MYL10: variants seen among roughly 807,000 people sequenced by gnomAD.
The protein encoded by MYL10 is myosin light chain 10.
In MYL10, 18 loss-of-function variants were observed where a neutral mutation model predicts 21.9. The ratio of observed to expected loss-of-function variants is 0.82; its 90% CI spans 0.57 to 1.22. MYL10 has a LOEUF of 1.22. MYL10 is among the 50% of genes most tolerant of loss of function. The probability of loss-of-function intolerance (pLI) is 0.00; values close to 1 mark genes in which losing one functional copy is unlikely to be tolerated. For missense variants in MYL10, 225 were observed against 230.4 expected, an observed-to-expected ratio of 0.98 and a Z score of 0.15; for synonymous variants, 88 against 82.8, an observed-to-expected ratio of 1.06 and a Z score of -0.34.
chr7:101,613,626 G>C (rs759369449), intron 7 of MYL10, 36 bp downstream of exon 7: 6 of 1,613,964 alleles, frequency 3.7e-6, no homozygotes, highest in Non-Finnish European at 5.1e-6. Context: ...GGCCAGAGCA[G>C]AGAATCCGCC....
intron 6 of MYL10, among the ~76,000 whole-genome samples, chr7:101,614,202 C>G (rs1796582856): frequency 1.3e-5 from 2 of 152,158 alleles, no homozygotes; most frequent in Admixed American, 1.3e-4. Flanking sequence ...GGGCCTGCCC[C>G]CTCAAGCTTG....
At chr7:101,619,739 A>G (rs1796654022) in intron 5 of MYL10, among the ~76,000 whole-genome samples, 1 of 151,986 alleles carries the variant, frequency 6.6e-6, no homozygotes, top group South Asian at 2.1e-4. Flanking sequence ...AATACAAAAA[A>G]ATTAGACGAG....
intron 5 of MYL10, among the ~76,000 whole-genome samples, chr7:101,620,318 C>T (rs1377318438): frequency 6.6e-6 from 1 of 152,020 alleles, no homozygotes; most frequent in Non-Finnish European, 1.5e-5. Flanking sequence ...GAGTGAGACT[C>T]CATCTCAAAA....
intron 6 of MYL10, 123 bp downstream of exon 6, chr7:101,616,097 G>T: frequency 1.4e-6 from 1 of 721,768 alleles, no homozygotes; most frequent in South Asian, 1.7e-5. Context: ...ATATCACTGG[G>T]CTGGGCAGCG....
intron 3 of MYL10, 88 bp from the exon 4 acceptor site, chr7:101,623,160 C>A: frequency 1.6e-6 from 2 of 1,267,620 alleles, no homozygotes; most frequent in Non-Finnish European, 2.2e-6. Context: ...GACTGCTGCC[C>A]AAGGAGCCTC....
chr7:101,625,067 C>G (rs1230575843), intron 1 of MYL10, among the ~76,000 whole-genome samples: 3 of 152,224 alleles, frequency 2.0e-5, no homozygotes, highest in Non-Finnish European at 2.9e-5. Flanking sequence ...TCTCTGATCT[C>G]TCCTATCCCC....
intron 6 of MYL10, among the ~76,000 whole-genome samples, 190 bp from the exon 7 acceptor site, chr7:101,613,900 G>A (rs1214408713): frequency 1.3e-5 from 2 of 152,074 alleles, no homozygotes; most frequent in African/African-American, 4.8e-5. Context: ...TCTCCTCCAT[G>A]AAGTGGGCTT....
intron 1 of MYL10, among the ~76,000 whole-genome samples, chr7:101,627,218 G>A (rs1368403892): frequency 6.6e-6 from 1 of 151,948 alleles, no homozygotes; most frequent in Non-Finnish European, 1.5e-5. Flanking sequence ...AACCTCACTC[G>A]AAGCCAGGAG....
chr7:101,615,613 A>C, intron 6 of MYL10, among the ~76,000 whole-genome samples: 1 of 145,692 alleles, frequency 6.9e-6, no homozygotes, highest in Non-Finnish European at 1.5e-5. Context: ...TAGCCTGGGC[A>C]ACCTGCAGTC....
At chr7:101,616,851 G>T (rs768511087) in intron 5 of MYL10, among the ~76,000 whole-genome samples, 2 of 152,244 alleles carry the variant, frequency 1.3e-5, no homozygotes, top group Non-Finnish European at 2.9e-5. Flanking sequence ...CAGAAGTGGG[G>T]CAGGTGGGCC....
At chr7:101,619,148 T>C (rs1796646453) in intron 5 of MYL10, among the ~76,000 whole-genome samples, 1 of 152,220 alleles carries the variant, frequency 6.6e-6, no homozygotes, top group Non-Finnish European at 1.5e-5. Context: ...CCTTCAGTTA[T>C]GTGCCTGTGG....
chr7:101,614,277 G>T (rs1796583745), intron 6 of MYL10, among the ~76,000 whole-genome samples: 1 of 152,200 alleles, frequency 6.6e-6, no homozygotes, highest in Non-Finnish European at 1.5e-5. Context: ...GCTGAGTGGG[G>T]CCTCGTCCAC....
chr7:101,615,800 T>G (rs1003435388), intron 6 of MYL10, among the ~76,000 whole-genome samples: 12 of 150,388 alleles, frequency 8.0e-5, no homozygotes, highest in Non-Finnish European at 1.5e-4. Context: ...GTTCGAGCGA[T>G]TCTCCTGCCT....
At chr7:101,614,104 C>T (rs553201001) in intron 6 of MYL10, among the ~76,000 whole-genome samples, 3 of 152,324 alleles carry the variant, frequency 2.0e-5, no homozygotes, top group Non-Finnish European at 2.9e-5. Flanking sequence ...TTCACTGACA[C>T]CTGCATAGTG....
chr7:101,625,096 A>G (rs1360551717), intron 1 of MYL10, among the ~76,000 whole-genome samples: 1 of 152,170 alleles, frequency 6.6e-6, no homozygotes, highest in Non-Finnish European at 1.5e-5. Flanking sequence ...CCTGGCTCAA[A>G]GTGGGGATCA....
chr7:101,621,366 G>A (rs150748774), intron 5 of MYL10, among the ~76,000 whole-genome samples: 277 of 152,204 alleles, frequency 1.8e-3, no homozygotes, highest in African/African-American at 6.2e-3. Context: ...TCCTCTGGGG[G>A]CTCCAGTGAC....
At chr7:101,626,794 G>A (rs1031365703) in intron 1 of MYL10, among the ~76,000 whole-genome samples, 2 of 152,182 alleles carry the variant, frequency 1.3e-5, no homozygotes, top group African/African-American at 4.8e-5. Context: ...CAAAGTCCAG[G>A]AAAGCAGAGG....
At chr7:101,625,749 G>C (rs1275359389) in intron 1 of MYL10, among the ~76,000 whole-genome samples, 2 of 152,192 alleles carry the variant, frequency 1.3e-5, no homozygotes, top group Non-Finnish European at 2.9e-5. Flanking sequence ...AATCCTTTCA[G>C]ACATCATAAA....
At chr7:101,617,907 C>T (rs1014735714) in intron 5 of MYL10, among the ~76,000 whole-genome samples, 3 of 147,740 alleles carry the variant, frequency 2.0e-5, no homozygotes, top group East Asian at 2.3e-4. Context: ...AGTGTGCTTC[C>T]CCCCTCAGAT....
Sources: allele counts gnomAD v4.1 joint callset (sites outside exome capture counted in the v4.1 genomes callset), GRCh38; gene constraint gnomAD v4.1.1; transcripts MANE v1.5; gene names NCBI Gene and HGNC (gene_info 2026-07-23, HGNC 2026-07-21).